Variants in EXOC4 observed in about 807,000 individuals in gnomAD.
The protein encoded by EXOC4 is exocyst complex component 4.
A neutral mutation model predicts 107.2 loss-of-function variants in EXOC4; 71 were observed. That is an observed-to-expected ratio of 0.66 (90% CI 0.55 to 0.81). The LOEUF (loss-of-function observed/expected upper bound fraction) is 0.81, where lower values mean the gene tolerates loss of function less well. EXOC4 is among the 30% of genes least tolerant of loss of function. The probability of loss-of-function intolerance (pLI) is 0.00; values close to 1 mark genes in which losing one functional copy is unlikely to be tolerated. For missense variants in EXOC4, 1,108 were observed against 1,189.6 expected (o/e 0.93, Z 1.01); for synonymous variants, 456 against 441.2 (o/e 1.03, Z -0.42).
At chr7:133,339,879 G>A (rs1465046376) in intron 5 of EXOC4, among the ~76,000 whole-genome samples, 1 of 152,150 alleles carries the variant, frequency 6.6e-6, no homozygotes, top group Non-Finnish European at 1.5e-5. Context: ...AAACTTCACT[G>A]AATTTATCAG....
intron 17 of EXOC4, among the ~76,000 whole-genome samples, chr7:134,012,627 C>A (rs1046131256): frequency 2.6e-5 from 4 of 152,022 alleles, no homozygotes; most frequent in African/African-American, 9.7e-5. Context: ...AAAAGGGAGC[C>A]GGCAATACAA....
intron 10 of EXOC4, among the ~76,000 whole-genome samples, chr7:133,753,119 A>G (rs891776150): frequency 3.9e-5 from 6 of 152,252 alleles, no homozygotes; most frequent in Non-Finnish European, 7.3e-5. Context: ...TTAAAGATCA[A>G]AGAACTCAAT....
intron 17 of EXOC4, among the ~76,000 whole-genome samples, chr7:134,020,604 T>C (rs1404438544): frequency 2.6e-5 from 4 of 152,246 alleles, no homozygotes; most frequent in African/African-American, 4.8e-5. Context: ...GTAAACTAAA[T>C]AGCATTTCAT....
At chr7:133,400,706 A>G (rs931471788) in intron 7 of EXOC4, among the ~76,000 whole-genome samples, 4 of 152,138 alleles carry the variant, frequency 2.6e-5, no homozygotes, top group Non-Finnish European at 5.9e-5. Flanking sequence ...CGTAACAACT[A>G]TGTAAGGTTT....
intron 9 of EXOC4, among the ~76,000 whole-genome samples, chr7:133,575,474 A>G (rs994718724): frequency 2.6e-5 from 4 of 152,216 alleles, no homozygotes; most frequent in African/African-American, 7.2e-5. Context: ...ACTGCTTTAG[A>G]TGGTGAAAAC....
chr7:133,885,890 T>C (rs1480440730), intron 11 of EXOC4, among the ~76,000 whole-genome samples: 1 of 147,376 alleles, frequency 6.8e-6, no homozygotes, highest in African/African-American at 2.6e-5. Flanking sequence ...AGAAAAAAAC[T>C]TTTAAAAAGA....
Position 133,356,334 on chromosome 7 carries a change from G to A in EXOC4, c.768G>A (p.Arg256=). ...TGTTATTATTTAATTTTTCAGTGAG[G>A]GAGATAAATCTGCAGGACATCAAGG... The part of the protein sequence containing the change: ...HYSTAGSSSV[R]EINLQDIKED... The change falls in exon 6 of 18, where the codon AGG becomes AGA. Residue 256 remains arginine, a synonymous_variant. Coordinates refer to ENST00000253861, the MANE Select transcript of EXOC4 (RefSeq NM_021807.4). The A allele has an allele frequency of 6.2e-7, 1 of 1,613,428 alleles. No homozygotes were observed. The highest frequency in any genetic ancestry group is 8.5e-7 in the Non-Finnish European group (1 of 1,179,774).
intron 8 of EXOC4, chr7:133,479,699 A>G (rs1455067623): frequency 1.7e-5 from 4 of 234,126 alleles, no homozygotes; most frequent in African/African-American, 8.7e-5. Flanking sequence ...ACGTAATTAG[A>G]ATGACTTCAT....
At chr7:133,389,515 G>A (rs992442318) in intron 7 of EXOC4, among the ~76,000 whole-genome samples, 1 of 145,556 alleles carries the variant, frequency 6.9e-6, no homozygotes, top group African/African-American at 2.6e-5. Context: ...GGAGCTTGCA[G>A]TGAGCTGACA....
chr7:133,621,503 G>A (rs1802328976), intron 9 of EXOC4, among the ~76,000 whole-genome samples: 1 of 152,140 alleles, frequency 6.6e-6, no homozygotes, highest in African/African-American at 2.4e-5. Context: ...TACTGACATG[G>A]ACGTTTCCAA....
chr7:133,636,859 G>T lies in EXOC4; in HGVS notation c.1514+6718G>T, dbSNP rs1585046362. ...AGATGAACCTCTCTTGGCAACTTGG[G>T]CTTTTGGTGATAGACAGTATGGTTG... On this transcript the variant is annotated intron_variant, in intron 10 of 17. Coordinates refer to ENST00000253861, the MANE Select transcript of EXOC4 (RefSeq NM_021807.4). 3.9e-5 allele frequency among the ~76,000 whole-genome samples: 6 copies of T among 152,312 alleles called. No homozygotes were observed. In the South Asian group the frequency reaches 1.2e-3, roughly 32 times the overall value.
At chr7:133,764,827 A>G (rs940984320) in intron 10 of EXOC4, among the ~76,000 whole-genome samples, 1 of 152,060 alleles carries the variant, frequency 6.6e-6, no homozygotes, top group African/African-American at 2.4e-5. Context: ...ATATGTACAG[A>G]TCTTTGTTCT....
chr7:133,698,903 AAGT>A (rs1585087069), intron 10 of EXOC4, among the ~76,000 whole-genome samples: 1 of 152,186 alleles, frequency 6.6e-6, no homozygotes, highest in African/African-American at 2.4e-5. Flanking sequence ...GAAAATGAAA[AAGT>A]AGGCAATAAA....
chr7:133,484,146 A>G (rs1435853444), intron 9 of EXOC4: 24 of 1,608,874 alleles, frequency 1.5e-5, no homozygotes, highest in Middle Eastern at 1.7e-4. Flanking sequence ...TCATACAATT[A>G]GAAATGTGAC....
intron 13 of EXOC4, 57 bp from the exon 14 acceptor site, chr7:133,937,834 C>T: frequency 2.6e-6 from 4 of 1,565,736 alleles, no homozygotes; most frequent in African/African-American, 2.7e-5. Context: ...ACAGTGTTGC[C>T]CGGTCCTACC....
intron 11 of EXOC4, among the ~76,000 whole-genome samples, chr7:133,830,515 A>G (rs1797787619): frequency 6.6e-6 from 1 of 152,254 alleles, no homozygotes; most frequent in Non-Finnish European, 1.5e-5. Context: ...CAGCTATGTT[A>G]AAGTGTGGCC....
chr7:133,659,171 G>T (rs1377462647), intron 10 of EXOC4, among the ~76,000 whole-genome samples: 1 of 151,990 alleles, frequency 6.6e-6, no homozygotes, highest in African/African-American at 2.4e-5. Flanking sequence ...TGTGAGGGCA[G>T]TTTAGTTCCA....
At chr7:133,738,670 T>C (rs1413949393) in intron 10 of EXOC4, among the ~76,000 whole-genome samples, 1 of 152,200 alleles carries the variant, frequency 6.6e-6, no homozygotes, top group Non-Finnish European at 1.5e-5. Context: ...GGGAATATGA[T>C]TTAAAATATT....
At chr7:133,397,409 C>T (rs138745671) in intron 7 of EXOC4, among the ~76,000 whole-genome samples, 114 of 151,996 alleles carry the variant, frequency 7.5e-4, no homozygotes, top group African/African-American at 2.5e-3. Context: ...GCTGGGATTA[C>T]AGGTGTGAGC....
Sources: allele counts gnomAD v4.1 joint callset (sites outside exome capture counted in the v4.1 genomes callset), GRCh38; gene constraint gnomAD v4.1.1; transcripts MANE v1.5; gene names NCBI Gene and HGNC (gene_info 2026-07-23, HGNC 2026-07-21).